CTNNA2: variants seen among roughly 807,000 people sequenced by gnomAD.
CTNNA2 encodes the protein catenin alpha-2.
A neutral mutation model predicts 101.0 loss-of-function variants in CTNNA2; 42 were observed. That is an observed-to-expected ratio of 0.42 (90% CI 0.32 to 0.54). The LOEUF is 0.54. Among genes scored for constraint, CTNNA2 ranks in the 20% least tolerant of loss-of-function variants. CTNNA2 has a pLI of 0.14. For missense variants in CTNNA2, 871 were observed against 1,223.1 expected, an observed-to-expected ratio of 0.71 and a Z score of 4.29; for synonymous variants, 450 against 456.4, an observed-to-expected ratio of 0.99 and a Z score of 0.18.
At chr2:80,239,070 G>T (rs1395557028) in intron 7 of CTNNA2, among the ~76,000 whole-genome samples, 5 of 152,210 alleles carry the variant, frequency 3.3e-5, no homozygotes, top group Non-Finnish European at 7.3e-5. Context: ...CTCAGGATTA[G>T]ATGAAGTTGA....
intron 6 of CTNNA2, among the ~76,000 whole-genome samples, chr2:79,905,962 C>T (rs1685396919): frequency 6.6e-6 from 1 of 152,122 alleles, no homozygotes; most frequent in Non-Finnish European, 1.5e-5. Context: ...GCCTTTTCCT[C>T]TAGCTCTTGA....
At chr2:79,550,238 A>G (rs1674011750) in intron 1 of CTNNA2, among the ~76,000 whole-genome samples, 2 of 152,118 alleles carry the variant, frequency 1.3e-5, no homozygotes, top group Admixed American at 6.5e-5. Context: ...AGTTCTGGAG[A>G]CGAAATGATT....
chr2:79,199,253 T>C (rs1296721047), intron 2 of CTNNA2, among the ~76,000 whole-genome samples: 1 of 152,210 alleles, frequency 6.6e-6, no homozygotes, highest in Non-Finnish European at 1.5e-5. Context: ...CTGTGTTCTT[T>C]CCTGCACCAC....
intron 3 of CTNNA2, among the ~76,000 whole-genome samples, chr2:79,317,037 T>C (rs931681403): frequency 1.3e-5 from 2 of 152,044 alleles, no homozygotes; most frequent in African/African-American, 4.8e-5. Flanking sequence ...AGGGTTTCCA[T>C]AGACACCCTT....
At chr2:80,411,958 G>A (rs867204955) in intron 8 of CTNNA2, among the ~76,000 whole-genome samples, 14 of 152,094 alleles carry the variant, frequency 9.2e-5, no homozygotes, top group African/African-American at 2.9e-4. Context: ...TCATCTCACC[G>A]CTGCAGTTAC....
chr2:79,777,477 C>T (rs1025185384), intron 3 of CTNNA2, among the ~76,000 whole-genome samples: 26 of 151,906 alleles, frequency 1.7e-4, no homozygotes, highest in African/African-American at 4.6e-4. Context: ...TAAGAGTAGC[C>T]GAGAGACTTA....
intron 9 of CTNNA2, among the ~76,000 whole-genome samples, chr2:80,432,511 C>T (rs1000239837): frequency 2.0e-5 from 3 of 152,238 alleles, no homozygotes; most frequent in Non-Finnish European, 2.9e-5. Context: ...GAATATCACA[C>T]ATCCAAGGTG....
chr2:80,111,239 G>C (rs1302573173), intron 7 of CTNNA2, among the ~76,000 whole-genome samples: 1 of 152,138 alleles, frequency 6.6e-6, no homozygotes, highest in Admixed American at 6.5e-5. Context: ...ACATATCAAG[G>C]ATACTTTTAA....
intron 7 of CTNNA2, among the ~76,000 whole-genome samples, chr2:80,157,386 C>A (rs1001009391): frequency 6.6e-6 from 1 of 152,042 alleles, no homozygotes; most frequent in Admixed American, 6.6e-5. Flanking sequence ...CCTACGGGAC[C>A]CTGAACTTCA....
intron 2 of CTNNA2, among the ~76,000 whole-genome samples, chr2:79,675,262 G>A (rs1395443177): frequency 1.3e-5 from 2 of 152,260 alleles, no homozygotes; most frequent in Admixed American, 6.5e-5. Context: ...GGAGAGAATT[G>A]GAGGTATATA....
At chr2:79,895,898 G>T (rs191817389) in intron 6 of CTNNA2, among the ~76,000 whole-genome samples, 118 of 152,200 alleles carry the variant, frequency 7.8e-4, no homozygotes, top group Non-Finnish European at 4.4e-4. Context: ...ACCATTGTTT[G>T]TTGACCCTGG....
intron 4 of CTNNA2, among the ~76,000 whole-genome samples, chr2:79,467,193 G>A (rs1011787500): frequency 3.9e-5 from 6 of 152,188 alleles, no homozygotes. Context: ...AGACCTGATG[G>A]AGCTGAAAAC....
intron 2 of CTNNA2, among the ~76,000 whole-genome samples, chr2:79,229,099 T>C (rs1301166342): frequency 6.6e-6 from 1 of 152,238 alleles, no homozygotes. Flanking sequence ...CTCTATTCTG[T>C]TCCATTGGTC....
At chr2:79,549,898 T>C (rs1673982700) in intron 1 of CTNNA2, among the ~76,000 whole-genome samples, 1 of 152,200 alleles carries the variant, frequency 6.6e-6, no homozygotes, top group African/African-American at 2.4e-5. Context: ...TGCTTGACTT[T>C]AAGATGAAAG....
intron 7 of CTNNA2, among the ~76,000 whole-genome samples, chr2:80,011,081 C>G (rs1041467721): frequency 2.0e-5 from 3 of 152,142 alleles, no homozygotes; most frequent in Non-Finnish European, 4.4e-5. Context: ...CCACTCCAAA[C>G]AGAAGAAACA....
At chr2:79,512,142 C>T (rs541132236), upstream of CTNNA2, among the ~76,000 whole-genome samples, 79 of 152,254 alleles carry the variant, frequency 5.2e-4, no homozygotes, top group African/African-American at 1.8e-3. Context: ...TCCCAGCTGC[C>T]GATGGCTGGC....
chr2:79,408,159 G>C (rs968969346), intron 4 of CTNNA2, among the ~76,000 whole-genome samples: 1 of 151,950 alleles, frequency 6.6e-6, no homozygotes, highest in Non-Finnish European at 1.5e-5. Context: ...CTTCCATTAA[G>C]ATAGTATATG....
intron 2 of CTNNA2, among the ~76,000 whole-genome samples, chr2:79,680,727 A>G (rs1370862534): frequency 1.3e-5 from 2 of 152,212 alleles, no homozygotes; most frequent in East Asian, 1.9e-4. Flanking sequence ...TGCTTTCTCT[A>G]AAACTGCTTT....
chr2:80,081,896 T>A (rs1421819444), intron 7 of CTNNA2, among the ~76,000 whole-genome samples: 2 of 152,156 alleles, frequency 1.3e-5, no homozygotes, highest in Non-Finnish European at 2.9e-5. Context: ...AAATCCATAT[T>A]TGAAGATTGA....
Sources: allele counts gnomAD v4.1 joint callset (sites outside exome capture counted in the v4.1 genomes callset), GRCh38; gene constraint gnomAD v4.1.1; transcripts MANE v1.5; gene names NCBI Gene and HGNC (gene_info 2026-07-23, HGNC 2026-07-21).